The following MCTP2 variants were observed in gnomAD, a reference collection of about 807,000 sequenced individuals.
MCTP2 encodes the protein multiple C2 and transmembrane domain-containing protein 2.
MCTP2 carries 132 observed loss-of-function variants against 111.6 expected under a neutral mutation model. The observed-to-expected ratio is 1.18, with a 90% CI of 1.03 to 1.37. The LOEUF (loss-of-function observed/expected upper bound fraction) is 1.37, where lower values mean the gene tolerates loss of function less well. Among genes scored for constraint, MCTP2 ranks in the 40% most tolerant of loss-of-function variants. The pLI is 0.00. For synonymous variants in MCTP2, 395 were observed against 387.7 expected (o/e 1.02, Z -0.22); for missense variants, 1,183 against 1,067.9 (o/e 1.11, Z -1.50).
At chr15:94,455,877 C>T (rs1356592766) in intron 19 of MCTP2, among the ~76,000 whole-genome samples, 1 of 152,188 alleles carries the variant, frequency 6.6e-6, no homozygotes, top group Non-Finnish European at 1.5e-5. Flanking sequence ...GTAATCCTGA[C>T]ATCGGTATAT....
chr15:94,351,381 AG>A (rs2078294019), intron 8 of MCTP2, among the ~76,000 whole-genome samples: 1 of 152,242 alleles, frequency 6.6e-6, no homozygotes, highest in Non-Finnish European at 1.5e-5. Flanking sequence ...ATGTTGAAAA[AG>A]CTTGAAAGGA....
intron 1 of MCTP2, among the ~76,000 whole-genome samples, chr15:94,233,909 A>T (rs908975696): frequency 6.6e-6 from 1 of 152,236 alleles, no homozygotes; most frequent in Non-Finnish European, 1.5e-5. Context: ...TACACACAGA[A>T]ATGGAAGGGG....
At chr15:94,422,963 T>C (rs2082695181) in intron 17 of MCTP2, among the ~76,000 whole-genome samples, 1 of 152,222 alleles carries the variant, frequency 6.6e-6, no homozygotes, top group Admixed American at 6.5e-5. Context: ...CCCAAAGTGC[T>C]GGGATTACAG....
At chr15:94,232,442 C>T (rs944673925) in intron 1 of MCTP2, among the ~76,000 whole-genome samples, 2 of 152,144 alleles carry the variant, frequency 1.3e-5, no homozygotes, top group African/African-American at 4.8e-5. Flanking sequence ...TCTCAGTGAA[C>T]CGTGAGACGT....
intron 1 of MCTP2, among the ~76,000 whole-genome samples, chr15:94,289,683 A>G (rs2074943548): frequency 6.6e-6 from 1 of 152,202 alleles, no homozygotes; most frequent in South Asian, 2.1e-4. Context: ...CTGTATTTAG[A>G]TGTAATATAT....
intron 1 of MCTP2, among the ~76,000 whole-genome samples, chr15:94,235,836 A>G (rs892717307): frequency 6.6e-6 from 1 of 152,212 alleles, no homozygotes; most frequent in Non-Finnish European, 1.5e-5. Context: ...GAGAGTTTTC[A>G]TCGATGCCAC....
intron 19 of MCTP2, among the ~76,000 whole-genome samples, chr15:94,457,108 A>C (rs186056): frequency 0.075 from 11,393 of 152,232 alleles, 535 homozygotes; most frequent in East Asian, 0.15. Context: ...CCCAACTAAA[A>C]TTCTATATAG....
chr15:94,299,139 C>T (rs1424986665), intron 2 of MCTP2, among the ~76,000 whole-genome samples: 3 of 146,614 alleles, frequency 2.0e-5, no homozygotes, highest in East Asian at 2.0e-4. Flanking sequence ...TAAATTAATG[C>T]AGTATTGATT....
chr15:94,435,013 G>A (rs2083393907), intron 17 of MCTP2, among the ~76,000 whole-genome samples: 1 of 151,966 alleles, frequency 6.6e-6, no homozygotes, highest in South Asian at 2.1e-4. Context: ...ACAGGCACAT[G>A]CCACCATGCC....
chr15:94,381,326 G>A, intron 12 of MCTP2, among the ~76,000 whole-genome samples: 1 of 152,124 alleles, frequency 6.6e-6, no homozygotes, highest in East Asian at 1.9e-4. Flanking sequence ...GCTTCTCTCT[G>A]TTTATACTGT....
chr15:94,367,139 G>C (rs12440504), intron 10 of MCTP2, among the ~76,000 whole-genome samples: 1 of 151,858 alleles, frequency 6.6e-6, no homozygotes, highest in Non-Finnish European at 1.5e-5. Context: ...GGAAGAAAAC[G>C]ATTTCTCCAT....
At chr15:94,276,646 AT>A (rs1309787655) in intron 1 of MCTP2, among the ~76,000 whole-genome samples, 1 of 106,176 alleles carries the variant, frequency 9.4e-6, no homozygotes, top group Non-Finnish European at 1.9e-5. Context: ...TATTTTTAAA[AT>A]ATTACAATGC....
At chr15:94,245,919 G>T (rs773897785) in intron 1 of MCTP2, among the ~76,000 whole-genome samples, 2 of 151,936 alleles carry the variant, frequency 1.3e-5, no homozygotes, top group Non-Finnish European at 2.9e-5. Context: ...CAAAAAACTT[G>T]TCTCCCTGGA....
At chr15:94,315,401 G>T in intron 3 of MCTP2, 128 bp from the exon 4 acceptor site, 1 of 631,110 alleles carries the variant, frequency 1.6e-6, no homozygotes, top group Non-Finnish European at 2.8e-6. Flanking sequence ...TAGTGAGGAG[G>T]AGTTGGGGAT....
chr15:94,466,067 A>G (rs1025123339), intron 20 of MCTP2, among the ~76,000 whole-genome samples: 1 of 152,102 alleles, frequency 6.6e-6, no homozygotes, highest in Non-Finnish European at 1.5e-5. Flanking sequence ...CTTAACTTCA[A>G]TTATTATGGT....
At chr15:94,304,540 A>G (rs1325971900) in intron 2 of MCTP2, among the ~76,000 whole-genome samples, 3 of 152,202 alleles carry the variant, frequency 2.0e-5, no homozygotes, top group Admixed American at 6.5e-5. Context: ...ATCATAATCA[A>G]TGTCTACTTC....
At chr15:94,257,105 T>C (rs1425472982) in intron 1 of MCTP2, among the ~76,000 whole-genome samples, 1 of 152,198 alleles carries the variant, frequency 6.6e-6, no homozygotes, top group Non-Finnish European at 1.5e-5. Flanking sequence ...TCTTTGCTGT[T>C]AGAAGCAAGG....
intron 19 of MCTP2, among the ~76,000 whole-genome samples, chr15:94,447,643 C>G (rs1333209222): frequency 7.3e-6 from 1 of 136,108 alleles, no homozygotes; most frequent in African/African-American, 2.9e-5. Flanking sequence ...TCCCAAAGTT[C>G]TGGGATTACA....
intron 10 of MCTP2, among the ~76,000 whole-genome samples, chr15:94,367,332 T>C (rs946706395): frequency 6.6e-6 from 1 of 152,208 alleles, no homozygotes; most frequent in Non-Finnish European, 1.5e-5. Context: ...CTGCAGACCT[T>C]ATTTGGCAAG....
Sources: gnomAD v4.1 joint callset for allele counts (sites outside exome capture counted in the v4.1 genomes callset) on GRCh38, gnomAD v4.1.1 for gene constraint, MANE v1.5 for transcripts, NCBI Gene and HGNC (gene_info 2026-07-23, HGNC 2026-07-21) for gene names.